Variants in RAB4A observed in about 807,000 individuals in gnomAD.
The protein encoded by RAB4A is ras-related protein Rab-4A.
Under a neutral mutation model 34.5 loss-of-function variants are expected in RAB4A, and 20 were observed. The observed-to-expected ratio is 0.58, with a 90% confidence interval of 0.41 to 0.84. RAB4A has a LOEUF of 0.84. Among genes scored for constraint, RAB4A ranks in the 40% least tolerant of loss-of-function variants. The pLI is 0.00. For missense variants in RAB4A, 228 were observed against 274.5 expected, an observed-to-expected ratio of 0.83 and a Z score of 1.20; for synonymous variants, 102 against 100.0, an observed-to-expected ratio of 1.02 and a Z score of -0.12.
chr1:229,293,229 C>G (rs569960893), intron 3 of RAB4A, among the ~76,000 whole-genome samples: 2 of 152,304 alleles, frequency 1.3e-5, no homozygotes, highest in Admixed American at 6.5e-5. Context: ...CTCTCTGACC[C>G]CCATCCTTTT....
chr1:229,284,395 A>G (rs1262974852), intron 1 of RAB4A, among the ~76,000 whole-genome samples: 1 of 152,046 alleles, frequency 6.6e-6, no homozygotes, highest in African/African-American at 2.4e-5. Context: ...CACCACACCC[A>G]TCCTTTTCTA....
At chr1:229,286,389 A>T in intron 1 of RAB4A, 97 bp from the exon 2 acceptor site, 3 of 715,764 alleles carry the variant, frequency 4.2e-6, no homozygotes, top group Admixed American at 3.4e-5. Context: ...TTCCTGTTAT[A>T]TTAACAACTA....
At chr1:229,273,752 G>T (rs1271611594) in intron 1 of RAB4A, among the ~76,000 whole-genome samples, 1 of 152,088 alleles carries the variant, frequency 6.6e-6, no homozygotes, top group Non-Finnish European at 1.5e-5. Context: ...AAAAGAAAAT[G>T]AGTTTTAGAA....
At chr1:229,296,852 A>G (rs902278694) in intron 4 of RAB4A, among the ~76,000 whole-genome samples, 5 of 152,234 alleles carry the variant, frequency 3.3e-5, no homozygotes, top group Non-Finnish European at 2.9e-5. Flanking sequence ...CAATCAGGCT[A>G]GCAAAGTGCC....
At chr1:229,303,092 C>T (rs949889579) in intron 7 of RAB4A, 103 bp downstream of exon 7, 23 of 804,110 alleles carry the variant, frequency 2.9e-5, no homozygotes, top group Non-Finnish European at 4.0e-5. Flanking sequence ...GGATCCCAGC[C>T]GGGTGCAGTG....
rs754208293 is a variant in RAB4A at position 229,295,857 on chromosome 1, G to A, written c.237G>A (p.Thr79=). The change falls in exon 4 of 8, where the codon ACG becomes ACA. Residue 79 remains threonine, a synonymous_variant. Transcript: ENST00000366690. ...AGTATAATTCTTCCAGGTCCGTGAC[G>A]AGAAGTTATTACCGAGGCGCGGCCG... ...TAGQERFRSV[T]RSYYRGAAGA... The A allele has an allele frequency of 9.3e-6, 15 of 1,614,064 alleles. No individual in the cohort carries two copies. Among genetic ancestry groups the A allele is most frequent in the East Asian group, 4.5e-5 (2 of 44,866 alleles).
chr1:229,302,309 AT>A (rs869095524), intron 6 of RAB4A, among the ~76,000 whole-genome samples: 423 of 35,810 alleles, frequency 0.012, 18 homozygotes, highest in East Asian at 0.019. Flanking sequence ...ATATATATAT[AT>A]TTTTTTTTTT....
At chr1:229,291,789 G>A (rs541516931) in intron 3 of RAB4A, among the ~76,000 whole-genome samples, 26 of 152,078 alleles carry the variant, frequency 1.7e-4, no homozygotes, top group African/African-American at 6.0e-4. Context: ...GAGACTTTTC[G>A]TGACATTTCA....
intron 1 of RAB4A, among the ~76,000 whole-genome samples, chr1:229,273,833 A>G (rs1656567620): frequency 6.6e-6 from 1 of 152,190 alleles, no homozygotes; most frequent in African/African-American, 2.4e-5. Flanking sequence ...CTAGGCTGTC[A>G]CTTTGACGTA....
intron 1 of RAB4A, among the ~76,000 whole-genome samples, chr1:229,283,760 C>A (rs925042312): frequency 6.8e-6 from 1 of 146,118 alleles, no homozygotes; most frequent in African/African-American, 2.5e-5. Flanking sequence ...GAGTTTCATT[C>A]TTGCTGCCCA....
chr1:229,276,918 C>G (rs952066917), intron 1 of RAB4A, among the ~76,000 whole-genome samples: 1 of 150,120 alleles, frequency 6.7e-6, no homozygotes, highest in Non-Finnish European at 1.5e-5. Context: ...AACCTGGGTT[C>G]ATGAGGATAC....
At chr1:229,297,683 G>A in intron 5 of RAB4A, 47 bp downstream of exon 5, 7 of 1,466,098 alleles carry the variant, frequency 4.8e-6, no homozygotes, top group Middle Eastern at 1.8e-4. Flanking sequence ...GCATATTTGA[G>A]GATAATAGCA....
rs1461507616 is a variant in RAB4A, at chr1:229,295,762, G to A, written c.228-86G>A. ...CTGTCCCTGTGTTGTGGTTTACAAA[G>A]CAAGCATGGGTGTTTTTTCATGGGA... On this transcript the variant is annotated intron_variant, in intron 3 of 7. Transcript: ENST00000366690. The A allele has an allele frequency of 7.7e-6, 10 of 1,292,992 alleles. No individual in the cohort carries two copies. The East Asian group carries it at 1.6e-4, about 21-fold the overall frequency. The allele number at this position is 1,292,992 out of a possible 1,614,324, so 80.1% of individuals were successfully genotyped here.
In RAB4A at chr1:229,271,301, G is replaced by C; in HGVS notation, c.-39G>C. On this transcript the variant is annotated 5_prime_UTR_variant, in exon 1 of 8. Transcript: ENST00000366690. ...ACGCGCCGGCGGACCGCGGGCGAGT[G>C]CAGCCGGTGACCCGGCGAGAGGCGG... 7.5e-7 allele frequency: 1 copy of C among 1,331,356 alleles called. No homozygotes were observed. Among genetic ancestry groups the C allele is most frequent in the Non-Finnish European group, 9.6e-7 (1 of 1,039,362 alleles). The allele number at this position is 1,331,356 out of a possible 1,614,324, so 82.5% of individuals were successfully genotyped here.
chr1:229,293,400 C>G (rs1430906309), intron 3 of RAB4A, among the ~76,000 whole-genome samples: 7 of 152,258 alleles, frequency 4.6e-5, no homozygotes, highest in Non-Finnish European at 8.8e-5. Context: ...ACGGCCACAG[C>G]CCCGATCCCA....
At chr1:229,296,500 G>T (rs1231483620) in intron 4 of RAB4A, among the ~76,000 whole-genome samples, 4 of 152,154 alleles carry the variant, frequency 2.6e-5, no homozygotes, top group Admixed American at 6.5e-5. Flanking sequence ...TCTGTTCCTC[G>T]ATTGCACTGG....
In RAB4A at chr1:229,305,394, TA is replaced by T; in HGVS notation, c.*1606del. 3.7e-6 allele frequency: 4 copies of T among 1,072,396 alleles called. No individual in the cohort carries two copies. In the South Asian group the frequency reaches 8.3e-5, roughly 22 times the overall value. The allele number at this position is 1,072,396 out of a possible 1,614,324, so 66.4% of individuals were successfully genotyped here. A position where few individuals can be genotyped will look rare whatever the true frequency, so the allele number is the denominator to read the frequency against. On this transcript the variant is annotated 3_prime_UTR_variant, in exon 8 of 8. Transcript: ENST00000366690. ...TCAGCTTATTCAAAAGCAAGAATTT[TA>T]AAAATAAGATAAATGTAAAGTTGTT...
At chr1:229,275,613 CCTT>C (rs1411071908) in intron 1 of RAB4A, among the ~76,000 whole-genome samples, 1 of 145,372 alleles carries the variant, frequency 6.9e-6, no homozygotes, top group Non-Finnish European at 1.5e-5. Context: ...CATTTCTTTT[CCTT>C]TTTTTTTTTT....
chr1:229,296,989 GTAAT>G (rs1310906560), intron 4 of RAB4A, among the ~76,000 whole-genome samples: 1 of 152,204 alleles, frequency 6.6e-6, no homozygotes, highest in Non-Finnish European at 1.5e-5. Flanking sequence ...CTAGGGCAAC[GTAAT>G]TAATCTCTCT....
Sources: gnomAD v4.1 joint callset for allele counts (sites outside exome capture counted in the v4.1 genomes callset) on GRCh38, gnomAD v4.1.1 for gene constraint, MANE v1.5 for transcripts, NCBI Gene and HGNC (gene_info 2026-07-23, HGNC 2026-07-21) for gene names.